The following PPFIA2 variants were observed in gnomAD, a reference collection of about 807,000 sequenced individuals.
PPFIA2 encodes the protein liprin-alpha-2.
PPFIA2 carries 46 observed loss-of-function variants against 175.5 expected under a neutral mutation model. That is an observed-to-expected ratio of 0.26 (90% CI 0.21 to 0.34). The LOEUF is 0.34. Ranked by LOEUF, PPFIA2 falls within the 10% of genes least tolerant of loss-of-function variation. The probability of loss-of-function intolerance (pLI) is 1.00; values close to 1 mark genes in which losing one functional copy is unlikely to be tolerated. For missense variants in PPFIA2, 1,179 were observed against 1,506.1 expected (o/e 0.78, Z 3.60); for synonymous variants, 568 against 511.4 (o/e 1.11, Z -1.49).
Position 81,374,786 on chromosome 12 carries a change from G to A in PPFIA2, c.1132-18C>T. 1.2e-6 allele frequency: 2 copies of A among 1,606,020 alleles called. No individual in the cohort carries two copies. The highest frequency in any genetic ancestry group is 1.1e-5 in the South Asian group (1 of 90,260). On this transcript the variant is annotated intron_variant, in intron 10 of 32. Transcript: ENST00000549396. ...TCTTCCATCTGAAATGGGAATGGGA[G>A]CAGAGACACTTAAAGAGTCAGAGTT...
intron 4 of PPFIA2, among the ~76,000 whole-genome samples, chr12:81,649,984 A>G (rs962770632): frequency 3.3e-5 from 5 of 152,112 alleles, no homozygotes; most frequent in African/African-American, 1.2e-4. Flanking sequence ...ACATTTTTCA[A>G]AACTAATCAA....
At chr12:81,701,904 T>A in intron 3 of PPFIA2, among the ~76,000 whole-genome samples, 1 of 137,242 alleles carries the variant, frequency 7.3e-6, no homozygotes, top group African/African-American at 2.7e-5. Context: ...CTATACACTT[T>A]ATGGGAAGAC....
chr12:81,437,042 T>A (rs991984451), intron 7 of PPFIA2, among the ~76,000 whole-genome samples: 1 of 152,162 alleles, frequency 6.6e-6, no homozygotes, highest in African/African-American at 2.4e-5. Context: ...AAAGTAAAAA[T>A]TTATTTTATC....
At chr12:81,438,622 T>A (rs756285785) in intron 7 of PPFIA2, among the ~76,000 whole-genome samples, 14 of 152,202 alleles carry the variant, frequency 9.2e-5, no homozygotes, top group Non-Finnish European at 1.6e-4. Context: ...ATAAGACTTA[T>A]CTTTACTGAT....
intron 4 of PPFIA2, chr12:81,506,203 G>A (rs1457420965): frequency 3.3e-5 from 5 of 152,140 alleles, no homozygotes; most frequent in African/African-American, 4.8e-5. Context: ...TTTCTACAAA[G>A]ACCTCAGTTA....
At chr12:81,468,173 TA>T (rs2146198741) in intron 4 of PPFIA2, among the ~76,000 whole-genome samples, 1 of 152,326 alleles carries the variant, frequency 6.6e-6, no homozygotes, top group Non-Finnish European at 1.5e-5. Flanking sequence ...GAAGCAATTC[TA>T]ACAGAGGAAC....
intron 4 of PPFIA2, among the ~76,000 whole-genome samples, chr12:81,619,861 A>T (rs2061832411): frequency 6.6e-6 from 1 of 152,084 alleles, no homozygotes; most frequent in Admixed American, 6.6e-5. Context: ...AAATCTGACC[A>T]TTTAAGAAGA....
chr12:81,616,981 A>G (rs1313253376), intron 4 of PPFIA2, among the ~76,000 whole-genome samples: 3 of 152,190 alleles, frequency 2.0e-5, no homozygotes, highest in Non-Finnish European at 4.4e-5. Flanking sequence ...CATGGGCTCT[A>G]GTGTCAAAGA....
chr12:81,261,913 C>G (rs955890856), intron 32 of PPFIA2, 36 bp downstream of exon 32: 1 of 807,512 alleles, frequency 1.2e-6, no homozygotes, highest in East Asian at 5.3e-5. Context: ...ATTTTTTTGT[C>G]TTTTTTTTTT....
At chr12:81,528,870 T>C (rs1261187104) in intron 4 of PPFIA2, among the ~76,000 whole-genome samples, 1 of 151,972 alleles carries the variant, frequency 6.6e-6, no homozygotes, top group Admixed American at 6.6e-5. Context: ...AAAAGAGTAA[T>C]TGAGCACTCT....
At chr12:81,285,447 T>A (rs1377985702) in intron 24 of PPFIA2, among the ~76,000 whole-genome samples, 1 of 152,076 alleles carries the variant, frequency 6.6e-6, no homozygotes, top group South Asian at 2.1e-4. Flanking sequence ...TAAAAACAAA[T>A]GTAACTACAT....
intron 4 of PPFIA2, among the ~76,000 whole-genome samples, chr12:81,599,842 T>C (rs951290083): frequency 1.3e-5 from 2 of 151,910 alleles, no homozygotes; most frequent in African/African-American, 2.4e-5. Flanking sequence ...AAATGTACCA[T>C]AGAATATCCC....
intron 3 of PPFIA2, among the ~76,000 whole-genome samples, chr12:81,684,054 A>T (rs75207711): frequency 0.036 from 5,550 of 152,228 alleles, 133 homozygotes; most frequent in Middle Eastern, 0.068. Context: ...CATAGTAGGT[A>T]CCATTTCCAA....
chr12:81,586,176 AT>A (rs1405477331), intron 4 of PPFIA2, among the ~76,000 whole-genome samples: 1 of 151,984 alleles, frequency 6.6e-6, no homozygotes, highest in African/African-American at 2.4e-5. Flanking sequence ...AATAAATACA[AT>A]GTTTTCTATG....
chr12:81,425,249 G>A (rs765251000), intron 7 of PPFIA2, among the ~76,000 whole-genome samples: 6 of 152,150 alleles, frequency 3.9e-5, no homozygotes, highest in South Asian at 2.1e-4. Flanking sequence ...TTCTGAGAAC[G>A]ATAAAACAGC....
At chr12:81,412,689 G>A (rs993603127) in intron 7 of PPFIA2, among the ~76,000 whole-genome samples, 1 of 151,888 alleles carries the variant, frequency 6.6e-6, no homozygotes, top group African/African-American at 2.4e-5. Context: ...GTACGATCTT[G>A]TACAAGCTAT....
At chr12:81,366,193 TTTC>T (rs200936312) in intron 14 of PPFIA2, among the ~76,000 whole-genome samples, 2,089 of 151,300 alleles carry the variant, frequency 0.014, 121 homozygotes, top group Admixed American at 0.1. Context: ...TTAGCAATCC[TTTC>T]TTCTTTAAAA....
At chr12:81,428,529 T>C (rs914688634) in intron 7 of PPFIA2, among the ~76,000 whole-genome samples, 1 of 152,012 alleles carries the variant, frequency 6.6e-6, no homozygotes, top group Admixed American at 6.6e-5. Context: ...CAGCAAAAGA[T>C]ACATTTTCTA....
At chr12:81,620,482 A>G (rs2061936377) in intron 4 of PPFIA2, among the ~76,000 whole-genome samples, 1 of 152,168 alleles carries the variant, frequency 6.6e-6, no homozygotes, top group African/African-American at 2.4e-5. Context: ...CCAGAACCAT[A>G]AAGATATAAA....
Sources: allele counts gnomAD v4.1 joint callset (sites outside exome capture counted in the v4.1 genomes callset), GRCh38; gene constraint gnomAD v4.1.1; transcripts MANE v1.5; gene names NCBI Gene and HGNC (gene_info 2026-07-23, HGNC 2026-07-21).